DCDC1: variants seen among roughly 807,000 people sequenced by gnomAD.
DCDC1 encodes the protein doublecortin domain containing 1.
A neutral mutation model predicts 178.3 loss-of-function variants in DCDC1; 200 were observed. That is an observed-to-expected ratio of 1.12 (90% CI 1.00 to 1.26). The LOEUF (loss-of-function observed/expected upper bound fraction) is 1.26. Ranked by LOEUF, DCDC1 falls within the 50% of genes most tolerant of loss-of-function variation. The pLI, the probability that DCDC1 is intolerant of heterozygous loss-of-function variation, is 0.00. For missense variants in DCDC1, 1,983 were observed against 1,749.2 expected (o/e 1.13, Z -2.38); for synonymous variants, 690 against 604.8 (o/e 1.14, Z -2.07).
intron 1 of DCDC1, among the ~76,000 whole-genome samples, chr11:31,351,845 G>C (rs190076006): frequency 1.2e-4 from 19 of 152,144 alleles, no homozygotes; most frequent in Admixed American, 4.6e-4. Context: ...TTGAGTAAAC[G>C]ATCTTTTCTT....
At chr11:30,899,130 A>G (rs1944458818) in intron 34 of DCDC1, among the ~76,000 whole-genome samples, 1 of 151,914 alleles carries the variant, frequency 6.6e-6, no homozygotes, top group Non-Finnish European at 1.5e-5. Context: ...AACAAAACAA[A>G]ACAAAAAAAC....
intron 9 of DCDC1, among the ~76,000 whole-genome samples, chr11:31,196,836 T>C (rs972130881): frequency 6.6e-6 from 1 of 152,108 alleles, no homozygotes; most frequent in African/African-American, 2.4e-5. Context: ...GGTTGAAAGT[T>C]CCAATCTTCT....
At chr11:30,873,366 G>A (rs868291453) in intron 38 of DCDC1, among the ~76,000 whole-genome samples, 1 of 146,748 alleles carries the variant, frequency 6.8e-6, no homozygotes, top group Non-Finnish European at 1.5e-5. Flanking sequence ...TATATATATA[G>A]AGAGAGAGAG....
chr11:31,295,055 A>G (rs1052592270), intron 6 of DCDC1, among the ~76,000 whole-genome samples: 26 of 152,134 alleles, frequency 1.7e-4, no homozygotes, highest in African/African-American at 6.0e-4. Context: ...CTTGGTTTCA[A>G]GACCCCTGGG....
intron 34 of DCDC1, among the ~76,000 whole-genome samples, chr11:30,897,313 A>G (rs273564): frequency 0.69 from 104,582 of 151,922 alleles, 36,401 homozygotes; most frequent in Middle Eastern, 0.8. Context: ...ACTTGGCCGG[A>G]CGCAGTGGCT....
intron 20 of DCDC1, among the ~76,000 whole-genome samples, chr11:31,005,479 G>T (rs1383378263): frequency 6.6e-6 from 1 of 152,142 alleles, no homozygotes; most frequent in Admixed American, 6.5e-5. Flanking sequence ...AGCTCATGCT[G>T]CTCTAAGCAA....
At chr11:31,071,774 TTC>T (rs1956581513) in intron 18 of DCDC1, among the ~76,000 whole-genome samples, 1 of 152,208 alleles carries the variant, frequency 6.6e-6, no homozygotes, top group Non-Finnish European at 1.5e-5. Flanking sequence ...TGCTCTTTTG[TTC>T]TCTCTCACTC....
intron 6 of DCDC1, 91 bp from the exon 7 acceptor site, chr11:31,290,943 T>A: frequency 8.9e-7 from 1 of 1,127,158 alleles, no homozygotes; most frequent in Non-Finnish European, 1.3e-6. Flanking sequence ...ACCTGTGTAT[T>A]ATACACTGGC....
At chr11:31,197,692 A>C (rs1335856123) in intron 9 of DCDC1, among the ~76,000 whole-genome samples, 2 of 152,070 alleles carry the variant, frequency 1.3e-5, no homozygotes, top group African/African-American at 4.8e-5. Flanking sequence ...TACTTGGACT[A>C]TTTGGCTAAC....
At chr11:31,234,400 C>T (rs1976201427) in intron 9 of DCDC1, among the ~76,000 whole-genome samples, 1 of 152,106 alleles carries the variant, frequency 6.6e-6, no homozygotes, top group Non-Finnish European at 1.5e-5. Context: ...ACTAACGCTA[C>T]TAACAAGAAG....
At chr11:30,964,850 C>T (rs537429907) in intron 20 of DCDC1, among the ~76,000 whole-genome samples, 5 of 152,150 alleles carry the variant, frequency 3.3e-5, no homozygotes, top group South Asian at 2.1e-4. Flanking sequence ...CTCATTTGCA[C>T]GAAGAATGTT....
intron 9 of DCDC1, among the ~76,000 whole-genome samples, chr11:31,168,435 T>C (rs1040660302): frequency 1.3e-5 from 2 of 152,236 alleles, no homozygotes; most frequent in African/African-American, 4.8e-5. Context: ...CCAAGTAAAG[T>C]ACAGGCCCGT....
chr11:31,199,909 G>T (rs1246736329), intron 9 of DCDC1, among the ~76,000 whole-genome samples: 1 of 151,984 alleles, frequency 6.6e-6, no homozygotes, highest in Non-Finnish European at 1.5e-5. Flanking sequence ...ACATGTTTTT[G>T]AAAAATACTA....
intron 18 of DCDC1, among the ~76,000 whole-genome samples, chr11:31,070,655 GAACA>G (rs1414421533): frequency 6.6e-6 from 1 of 152,170 alleles, no homozygotes; most frequent in Non-Finnish European, 1.5e-5. Flanking sequence ...GATTGAGTAA[GAACA>G]TGATCGGAAT....
chr11:31,313,337 C>T (rs1352639639), intron 3 of DCDC1, among the ~76,000 whole-genome samples: 2 of 152,176 alleles, frequency 1.3e-5, no homozygotes, highest in Non-Finnish European at 2.9e-5. Context: ...CCAGACAATG[C>T]ACAAACCTTA....
At chr11:31,120,399 T>C (rs1438173987) in intron 11 of DCDC1, among the ~76,000 whole-genome samples, 1 of 152,142 alleles carries the variant, frequency 6.6e-6, no homozygotes, top group African/African-American at 2.4e-5. Context: ...GTTCTGGAAG[T>C]TGTCATAAAA....
At chr11:31,232,538 C>G (rs1051484993) in intron 9 of DCDC1, among the ~76,000 whole-genome samples, 1 of 152,020 alleles carries the variant, frequency 6.6e-6, no homozygotes, top group African/African-American at 2.4e-5. Flanking sequence ...CACATATAAC[C>G]TGCTTGAAAT....
chr11:31,115,902 G>A (rs11031292), intron 11 of DCDC1, among the ~76,000 whole-genome samples: 24 of 149,904 alleles, frequency 1.6e-4, no homozygotes, highest in Admixed American at 2.7e-4. Flanking sequence ...AGGCTGCCCC[G>A]AGGGTGGGAG....
At position 30,963,826 on chromosome 11, in the gene DCDC1, T is replaced by C. The variant is rs910982695; in HGVS notation, c.2592-11258A>G. ...TCTAGTATAATCTTGGGTTTTTTCA[T>C]TGGCCCCAGTCTTTTACATTTTCCT... On this transcript the variant is annotated intron_variant, in intron 20 of 38. Transcript: ENST00000684477. Among the ~76,000 whole-genome samples, 3 of 152,160 alleles carry C rather than the reference T, an allele frequency of 2.0e-5. No individual in the cohort carries two copies. The South Asian group carries it at 6.2e-4, about 32-fold the overall frequency.
Sources: allele counts gnomAD v4.1 joint callset (sites outside exome capture counted in the v4.1 genomes callset), GRCh38; gene constraint gnomAD v4.1.1; transcripts MANE v1.5; gene names NCBI Gene and HGNC (gene_info 2026-07-23, HGNC 2026-07-21).